VCL: variants seen among roughly 807,000 people sequenced by gnomAD.
The protein encoded by VCL is vinculin, also known as epididymis luminal protein 114.
A neutral mutation model predicts 125.7 loss-of-function variants in VCL; 47 were observed. The ratio of observed to expected loss-of-function variants is 0.37; its 90% CI spans 0.30 to 0.48. The LOEUF (loss-of-function observed/expected upper bound fraction) is 0.48. VCL is among the 20% of genes least tolerant of loss of function. The pLI, the probability that VCL is intolerant of heterozygous loss-of-function variation, is 0.99. For missense variants in VCL, 1,069 were observed against 1,455.5 expected (o/e 0.73, Z 4.32); for synonymous variants, 458 against 514.6 (o/e 0.89, Z 1.49).
chr10:74,029,182 C>T (rs930136345), intron 1 of VCL, among the ~76,000 whole-genome samples: 5 of 151,246 alleles, frequency 3.3e-5, no homozygotes, highest in East Asian at 1.9e-4. Context: ...GGCGTGATCT[C>T]GGCTCACTGC....
chr10:74,046,401 T>C (rs966965462), intron 2 of VCL, among the ~76,000 whole-genome samples: 4 of 152,246 alleles, frequency 2.6e-5, no homozygotes, highest in African/African-American at 9.6e-5. Context: ...TGTGCCACTA[T>C]GCCCGGACAA....
chr10:74,062,656 C>T (rs1466738684), intron 2 of VCL, among the ~76,000 whole-genome samples: 1 of 152,016 alleles, frequency 6.6e-6, no homozygotes, highest in Non-Finnish European at 1.5e-5. Flanking sequence ...GCGATAATGG[C>T]TCACTGCAGC....
chr10:74,077,003 GT>G (rs1839596585), intron 6 of VCL: 1 of 152,710 alleles, frequency 6.5e-6, no homozygotes, highest in South Asian at 2.1e-4. Context: ...AGTCAGTTGA[GT>G]TTTCAGGGCT....
rs6480715 is a variant in VCL, at chr10:74,088,759, G to C, written c.1023-437G>C. On this transcript the variant is annotated intron_variant, in intron 8 of 21. Transcript: ENST00000211998. ...TGGTACACTTTCATTAACACTATGC[G>C]TGCTTCCTCCTGAAACATTTTCAAT... Among the ~76,000 whole-genome samples, 955 of 152,094 alleles carry C rather than the reference G, an allele frequency of 6.3e-3. 10 individuals are homozygous for C. The highest frequency in any genetic ancestry group is 0.021 in the African/African-American group (880 of 41,510).
At chr10:74,009,510 C>G (rs1429210382) in intron 1 of VCL, among the ~76,000 whole-genome samples, 2 of 152,126 alleles carry the variant, frequency 1.3e-5, no homozygotes, top group Non-Finnish European at 2.9e-5. Context: ...CTGCCTGCCT[C>G]AGCCTCCCAA....
At chr10:74,017,200 ACTACGCC>A (rs1305027448) in intron 1 of VCL, among the ~76,000 whole-genome samples, 1 of 150,370 alleles carries the variant, frequency 6.7e-6, no homozygotes, top group Admixed American at 6.6e-5. Flanking sequence ...GGCGCCCGCC[ACTACGCC>A]CGGCTAATTT....
intron 15 of VCL, 36 bp downstream of exon 15, chr10:74,103,964 A>G (rs1014608014): frequency 1.9e-6 from 3 of 1,595,384 alleles, no homozygotes; most frequent in African/African-American, 2.7e-5. Context: ...TGTCTAATCC[A>G]TGAAGAATGA....
At chr10:74,039,451 T>TC (rs1399988980) in intron 1 of VCL, among the ~76,000 whole-genome samples, 2 of 151,762 alleles carry the variant, frequency 1.3e-5, no homozygotes, top group Non-Finnish European at 2.9e-5. Flanking sequence ...TACCCTGCTC[T>TC]CCCCTCACCA....
chr10:74,026,839 T>C (rs912048531), intron 1 of VCL, among the ~76,000 whole-genome samples: 2 of 152,170 alleles, frequency 1.3e-5, no homozygotes, highest in Non-Finnish European at 2.9e-5. Context: ...TTTCCACTAT[T>C]CCATTACCTT....
At chr10:74,065,986 G>A (rs1436116789) in intron 2 of VCL, among the ~76,000 whole-genome samples, 2 of 150,116 alleles carry the variant, frequency 1.3e-5, no homozygotes, top group Non-Finnish European at 3.0e-5. Flanking sequence ...ACTAATAACA[G>A]AAACAAGAAC....
Position 74,111,990 on chromosome 10 carries a change from C to T in VCL, c.2827C>T (p.Pro943Ser). Residue 943 changes from proline to serine, a missense_variant, in exon 19 of 22, where the codon CCT becomes TCT. Physicochemically the swap from Pro to Ser is moderately conservative, Grantham distance 74. Transcript: ENST00000211998. ...AADAAGFPVP[P>S]DMEDDYEPEL... Reference sequence around the variant, plus strand: ...CGATGCTGCTGGCTTCCCTGTCCCCCCTGACATGGAAGACGATTACGAACC... The same window carrying T: ...CGATGCTGCTGGCTTCCCTGTCCCCTCTGACATGGAAGACGATTACGAACC... The T allele has an allele frequency of 6.2e-7, 1 of 1,614,194 alleles. No homozygotes were observed. The highest frequency in any genetic ancestry group is 8.5e-7 in the Non-Finnish European group (1 of 1,180,034).
intron 2 of VCL, among the ~76,000 whole-genome samples, chr10:74,046,260 A>T (rs1006325963): frequency 2.0e-5 from 3 of 152,150 alleles, no homozygotes; most frequent in East Asian, 1.9e-4. Context: ...ATATATATAT[A>T]TTTTTGAGAC....
intron 15 of VCL, 72 bp from the exon 16 acceptor site, chr10:74,104,979 A>C: frequency 1.3e-6 from 2 of 1,520,054 alleles, no homozygotes; most frequent in Non-Finnish European, 1.8e-6. Flanking sequence ...GAGAAGTTTG[A>C]GTGGATAACA....
In VCL at chr10:74,109,153, C is replaced by G; in HGVS notation, c.2742C>G (p.Ser914Arg). ...ATGATGAAGCTCGCAAATGGTCCAG[C>G]AAGGTAAGTAGTGAAGCTTTTCTTG... ...QLHDEARKWS[S>R]KPGIPAAEVG... The change falls in exon 18 of 22, where the codon AGC becomes AGG. Residue 914 changes from serine to arginine, a missense_variant. Ser to Arg is a moderately radical substitution (Grantham distance 110). Transcript: ENST00000211998. 6.2e-7 allele frequency: 1 copy of G among 1,614,018 alleles called. No homozygotes were observed. Among genetic ancestry groups the G allele is most frequent in the Non-Finnish European group, 8.5e-7 (1 of 1,179,986 alleles).
intron 1 of VCL, among the ~76,000 whole-genome samples, chr10:74,000,259 CTTTTTTTTTTT>C (rs34197555): frequency 2.6e-5 from 3 of 114,822 alleles, no homozygotes; most frequent in Non-Finnish European, 5.2e-5. Context: ...TTGTATTTTG[CTTTTTTTTTTT>C]TTTTTTTTTG....
At chr10:74,019,958 G>C (rs1012502291) in intron 1 of VCL, among the ~76,000 whole-genome samples, 1 of 151,908 alleles carries the variant, frequency 6.6e-6, no homozygotes, top group Non-Finnish European at 1.5e-5. Context: ...AGCTACTCAG[G>C]AGGCTGAGGC....
chr10:74,027,155 G>A (rs185227443), intron 1 of VCL, among the ~76,000 whole-genome samples: 7 of 152,258 alleles, frequency 4.6e-5, no homozygotes, highest in Admixed American at 3.9e-4. Flanking sequence ...GGAGAAGATG[G>A]GGACTGTTTT....
intron 1 of VCL, among the ~76,000 whole-genome samples, chr10:74,006,900 T>TATTTAATTAC (rs1408524244): frequency 2.0e-5 from 3 of 152,228 alleles, no homozygotes; most frequent in African/African-American, 7.2e-5. Flanking sequence ...AACCTGTACT[T>TATTTAATTAC]ATTTAATTAC....
At chr10:74,084,860 C>T (rs1217713228) in intron 8 of VCL, among the ~76,000 whole-genome samples, 1 of 152,072 alleles carries the variant, frequency 6.6e-6, no homozygotes, top group African/African-American at 2.4e-5. Flanking sequence ...GATCCACCTG[C>T]CTTGGCCTCC....
Sources: allele counts gnomAD v4.1 joint callset (sites outside exome capture counted in the v4.1 genomes callset), GRCh38; gene constraint gnomAD v4.1.1; transcripts MANE v1.5; gene names NCBI Gene and HGNC (gene_info 2026-07-23, HGNC 2026-07-21).